Variants in SERPINI2 observed in about 807,000 individuals in gnomAD.
The protein encoded by SERPINI2 is serpin family I member 2, also known as serpin I2.
SERPINI2 carries 48 observed loss-of-function variants against 47.3 expected under a neutral mutation model. The observed-to-expected ratio is 1.02, with a 90% CI of 0.81 to 1.29. SERPINI2 has a LOEUF of 1.29. SERPINI2 is among the 50% of genes most tolerant of loss of function. The probability of loss-of-function intolerance (pLI) is 0.00; values close to 1 mark genes in which losing one functional copy is unlikely to be tolerated. For synonymous variants in SERPINI2, 135 were observed against 149.3 expected (o/e 0.90, Z 0.70); for missense variants, 448 against 456.9 (o/e 0.98, Z 0.18).
At chr3:167,470,117 T>C (rs1750261820) in intron 2 of SERPINI2, among the ~76,000 whole-genome samples, 1 of 152,178 alleles carries the variant, frequency 6.6e-6, no homozygotes, top group South Asian at 2.1e-4. Flanking sequence ...AATTTATGTA[T>C]CTTCACAAAT....
chr3:167,469,505 T>C (rs908772669), intron 2 of SERPINI2: 1 of 152,200 alleles, frequency 6.6e-6, no homozygotes, highest in Non-Finnish European at 1.5e-5. Context: ...ACAAGTGACA[T>C]GACTTGTGCC....
chr3:167,475,264 A>C (rs1577181691), upstream of SERPINI2, among the ~76,000 whole-genome samples: 1 of 151,792 alleles, frequency 6.6e-6, no homozygotes, highest in African/African-American at 2.4e-5. Flanking sequence ...CTATCATTCT[A>C]CTTGCTTCAC....
At chr3:167,442,863 A>T (rs1047608307) in intron 8 of SERPINI2, among the ~76,000 whole-genome samples, 4 of 152,200 alleles carry the variant, frequency 2.6e-5, no homozygotes, top group Non-Finnish European at 5.9e-5. Flanking sequence ...AAGTGGCCTA[A>T]ATCAATCAGT....
intron 5 of SERPINI2, 32 bp from the exon 6 acceptor site, chr3:167,453,065 C>G: frequency 8.1e-7 from 1 of 1,239,244 alleles, no homozygotes; most frequent in Non-Finnish European, 1.1e-6. Flanking sequence ...AAAGAAAAGT[C>G]TTGAAACACT....
At chr3:167,472,644 A>G (rs990219376) in intron 1 of SERPINI2, among the ~76,000 whole-genome samples, 5 of 151,938 alleles carry the variant, frequency 3.3e-5, no homozygotes, top group African/African-American at 1.2e-4. Flanking sequence ...AAAATGAAAT[A>G]TAATATCAAA....
intron 5 of SERPINI2, among the ~76,000 whole-genome samples, chr3:167,455,981 G>C (rs1004708339): frequency 2.0e-5 from 3 of 152,036 alleles, no homozygotes; most frequent in South Asian, 2.1e-4. Context: ...ATTTGGGTGG[G>C]GACATAAATC....
At chr3:167,466,953 C>A in intron 3 of SERPINI2, 102 bp downstream of exon 3, 1 of 675,430 alleles carries the variant, frequency 1.5e-6, no homozygotes, top group African/African-American at 1.8e-5. Context: ...TTCCTCTGAT[C>A]CATACTGCAG....
At position 167,465,491 on chromosome 3, in the gene SERPINI2, T is replaced by C. The variant is rs189850880; in HGVS notation, c.661A>G (p.Arg221Gly). 4.1e-5 allele frequency: 66 copies of C among 1,613,428 alleles called. No homozygotes were observed. The East Asian group carries it at 1.5e-3, about 36-fold the overall frequency. Residue 221 changes from arginine (R) to glycine (G), a missense_variant, in exon 4 of 9, where the codon AGA (arginine) becomes GGA (glycine). Physicochemically the swap from Arg to Gly is moderately radical, Grantham distance 125. Coordinates refer to ENST00000264677, the Ensembl canonical transcript of SERPINI2. ...TTTCTCACATTACCATATTTTGTTC[T>C]CAGAAGAGCCTTCATCATTGGAATT...
intron 5 of SERPINI2, among the ~76,000 whole-genome samples, chr3:167,463,507 G>A (rs954818964): frequency 2.6e-5 from 4 of 152,034 alleles, no homozygotes; most frequent in African/African-American, 9.7e-5. Context: ...GTAAGTCAAG[G>A]AGCAGGAAAA....
At chr3:167,457,375 T>G (rs575165449) in intron 5 of SERPINI2, among the ~76,000 whole-genome samples, 1 of 152,326 alleles carries the variant, frequency 6.6e-6, no homozygotes, top group South Asian at 2.1e-4. Context: ...CAGCAAGAAT[T>G]CACAGCCCTC....
chr3:167,476,652 A>C (rs927521528), upstream of SERPINI2, among the ~76,000 whole-genome samples: 1 of 152,070 alleles, frequency 6.6e-6, no homozygotes, highest in Non-Finnish European at 1.5e-5. Context: ...GACTGGAAAA[A>C]ATATGCCAGA....
At chr3:167,475,279 C>T (rs1750452448), upstream of SERPINI2, among the ~76,000 whole-genome samples, 1 of 151,732 alleles carries the variant, frequency 6.6e-6, no homozygotes, top group Non-Finnish European at 1.5e-5. Context: ...CTTCACACTG[C>T]AATACATAAA....
intron 5 of SERPINI2, among the ~76,000 whole-genome samples, chr3:167,464,140 A>G (rs1560234967): frequency 6.6e-6 from 1 of 151,336 alleles, no homozygotes; most frequent in African/African-American, 2.4e-5. Flanking sequence ...CAGCCTCCCA[A>G]GTAGCTGGGA....
At chr3:167,444,791 A>C (rs896695817) in intron 8 of SERPINI2, among the ~76,000 whole-genome samples, 1 of 152,198 alleles carries the variant, frequency 6.6e-6, no homozygotes. Context: ...GCATTATCAC[A>C]AATAAACAGA....
chr3:167,452,678 A>T (rs532718295), intron 6 of SERPINI2, among the ~76,000 whole-genome samples: 26 of 152,216 alleles, frequency 1.7e-4, no homozygotes, highest in Non-Finnish European at 3.2e-4. Flanking sequence ...CCCATATAAT[A>T]CTTTTACTTA....
At chr3:167,456,274 T>TCCA (rs1749790014) in intron 5 of SERPINI2, among the ~76,000 whole-genome samples, 2 of 152,276 alleles carry the variant, frequency 1.3e-5, no homozygotes, top group East Asian at 3.9e-4. Flanking sequence ...GTTTAATGTA[T>TCCA]GCCTAGTATT....
intron 5 of SERPINI2, among the ~76,000 whole-genome samples, chr3:167,460,630 C>A (rs929775333): frequency 1.3e-5 from 2 of 152,084 alleles, no homozygotes; most frequent in African/African-American, 4.8e-5. Flanking sequence ...AGAAAAAAAT[C>A]TCACTTTTCC....
At chr3:167,468,306 A>G (rs1024570700) in intron 2 of SERPINI2, among the ~76,000 whole-genome samples, 2 of 152,054 alleles carry the variant, frequency 1.3e-5, no homozygotes, top group Admixed American at 6.6e-5. Context: ...GGAAATAAGG[A>G]GGATGTGTGT....
chr3:167,448,997 T>C (rs144904767), intron 7 of SERPINI2, among the ~76,000 whole-genome samples: 8 of 152,314 alleles, frequency 5.3e-5, no homozygotes, highest in African/African-American at 1.9e-4. Context: ...TCCTAAAAAA[T>C]AATGATTTTA....
Sources: gnomAD v4.1 joint callset for allele counts (sites outside exome capture counted in the v4.1 genomes callset) on GRCh38, gnomAD v4.1.1 for gene constraint, MANE v1.5 for transcripts, NCBI Gene and HGNC (gene_info 2026-07-23, HGNC 2026-07-21) for gene names.